The following TMEM266 variants were observed in gnomAD, a reference collection of about 807,000 sequenced individuals.
TMEM266 encodes Hv1 related protein 1.
TMEM266 carries 33 observed loss-of-function variants against 50.5 expected under a neutral mutation model. The ratio of observed to expected loss-of-function variants is 0.65; its 90% confidence interval spans 0.50 to 0.87. The LOEUF (loss-of-function observed/expected upper bound fraction) is 0.87, where lower values mean the gene tolerates loss of function less well. Ranked by LOEUF, TMEM266 falls within the 40% of genes least tolerant of loss-of-function variation. TMEM266 has a pLI of 0.00. For synonymous variants in TMEM266, 310 were observed against 292.3 expected, an observed-to-expected ratio of 1.06 and a Z score of -0.62; for missense variants, 655 against 695.1, an observed-to-expected ratio of 0.94 and a Z score of 0.65.
At chr15:76,099,107 G>A (rs548957883) in intron 1 of TMEM266, among the ~76,000 whole-genome samples, 6 of 152,258 alleles carry the variant, frequency 3.9e-5, no homozygotes, top group Admixed American at 2.0e-4. Flanking sequence ...TCTCACTGTC[G>A]TTCCAGGCGC....
chr15:76,138,073 T>C (rs1426809720), intron 3 of TMEM266, among the ~76,000 whole-genome samples, 178 bp downstream of exon 3: 5 of 151,906 alleles, frequency 3.3e-5, no homozygotes, highest in Non-Finnish European at 2.9e-5. Context: ...AATACAAAAA[T>C]TAGCCGAGTG....
intron 1 of TMEM266, among the ~76,000 whole-genome samples, chr15:76,115,904 T>C (rs2037239239): frequency 6.6e-6 from 1 of 152,112 alleles, no homozygotes; most frequent in African/African-American, 2.4e-5. Flanking sequence ...GAGGGAGATG[T>C]TGGTGTGAGG....
intron 1 of TMEM266, among the ~76,000 whole-genome samples, chr15:76,080,622 T>G (rs2036677317): frequency 6.6e-6 from 1 of 152,038 alleles, no homozygotes; most frequent in Non-Finnish European, 1.5e-5. Flanking sequence ...TAGGATTATT[T>G]CAGGAGTACT....
intron 1 of TMEM266, among the ~76,000 whole-genome samples, chr15:76,116,755 CAT>C (rs542757974): frequency 1.4e-3 from 218 of 152,272 alleles, no homozygotes; most frequent in African/African-American, 4.9e-3. Context: ...GATTGTCAAA[CAT>C]ATGTCATCCT....
At chr15:76,149,224 A>G (rs552852355) in intron 3 of TMEM266, among the ~76,000 whole-genome samples, 1 of 152,318 alleles carries the variant, frequency 6.6e-6, no homozygotes, top group Admixed American at 6.5e-5. Flanking sequence ...GAGATTATGC[A>G]TCTCTTTAGA....
At chr15:76,084,273 C>T (rs1039567522) in intron 1 of TMEM266, among the ~76,000 whole-genome samples, 4 of 152,082 alleles carry the variant, frequency 2.6e-5, no homozygotes, top group African/African-American at 9.7e-5. Flanking sequence ...GAGATTGCAC[C>T]ACTGCTCTCC....
intron 1 of TMEM266, among the ~76,000 whole-genome samples, chr15:76,081,612 A>G (rs547959247): frequency 1.3e-5 from 2 of 152,300 alleles, no homozygotes; most frequent in African/African-American, 4.8e-5. Context: ...CAGGTCAGAC[A>G]CTCACTGACA....
In TMEM266 at chr15:76,204,581, A is replaced by G. The variant is rs968005621; in HGVS notation, c.*266A>G. The G allele has an allele frequency of 2.9e-5, 9 of 314,288 alleles. No individual in the cohort carries two copies. The highest frequency in any genetic ancestry group is 1.8e-5 in the Non-Finnish European group (3 of 170,306). The allele number at this position is 314,288 out of a possible 1,614,324, so 19.5% of individuals were successfully genotyped here. On this transcript the variant is annotated 3_prime_UTR_variant, in exon 11 of 11. Coordinates refer to ENST00000388942, the MANE Select transcript of TMEM266 (RefSeq NM_152335.3). ...CTTTTTAACCATTTTTACAAAAACC[A>G]GCCTGTGGCCCAGCTTCAGCAGGGT...
intron 3 of TMEM266, among the ~76,000 whole-genome samples, chr15:76,154,245 A>G (rs2037888214): frequency 6.6e-6 from 1 of 152,212 alleles, no homozygotes; most frequent in Non-Finnish European, 1.5e-5. Flanking sequence ...GGTATACTAG[A>G]AAATTGCTCA....
intron 1 of TMEM266, among the ~76,000 whole-genome samples, chr15:76,120,404 T>A (rs1307014885): frequency 2.6e-5 from 4 of 152,160 alleles, no homozygotes; most frequent in African/African-American, 7.2e-5. Flanking sequence ...TAAGTGTGAA[T>A]AATATGTATT....
chr15:76,095,975 T>C (rs1197944359), intron 1 of TMEM266, among the ~76,000 whole-genome samples: 1 of 152,060 alleles, frequency 6.6e-6, no homozygotes, highest in Non-Finnish European at 1.5e-5. Flanking sequence ...CCCTTCATCA[T>C]TTTTTATTGC....
Position 76,084,116 on chromosome 15 carries a change from C to T in TMEM266, c.-97+24100C>T, listed in dbSNP as rs539631323. 2.1e-4 allele frequency among the ~76,000 whole-genome samples: 32 copies of T among 152,218 alleles called. 3 individuals are homozygous for T. The East Asian group carries it at 5.4e-3, about 26-fold the overall frequency. Reference sequence around the variant, plus strand: ...TCACCAGAGCCCAGGAGTTCAAGACCAGCCTGGGCAACATAGTGAGACCCT... The same window carrying T: ...TCACCAGAGCCCAGGAGTTCAAGACTAGCCTGGGCAACATAGTGAGACCCT... On this transcript the variant is annotated intron_variant, in intron 1 of 10. Transcript: ENST00000388942.
chr15:76,198,211 C>T (rs1203307272), intron 9 of TMEM266, among the ~76,000 whole-genome samples: 1 of 152,134 alleles, frequency 6.6e-6, no homozygotes, highest in Non-Finnish European at 1.5e-5. Flanking sequence ...CTACCTAAGG[C>T]CACACAGCAT....
At chr15:76,082,543 G>T (rs746470626) in intron 1 of TMEM266, among the ~76,000 whole-genome samples, 3 of 152,064 alleles carry the variant, frequency 2.0e-5, no homozygotes, top group Non-Finnish European at 4.4e-5. Context: ...AACTTGGGTT[G>T]GGGGGGTGCA....
Position 76,191,883 on chromosome 15 carries a change from G to A in TMEM266, c.769-85G>A, listed in dbSNP as rs1342949521. ...CCAGTCCTCCCCACCCCGCCCCCAT[G>A]CAGGAGCAAAGCGCCCAGAGGTCAG... On this transcript the variant is annotated intron_variant, in intron 8 of 10. Coordinates refer to ENST00000388942, the MANE Select transcript of TMEM266 (RefSeq NM_152335.3). 4 of 1,244,090 alleles carry A rather than the reference G, an allele frequency of 3.2e-6. No homozygotes were observed. In the Admixed American group the frequency reaches 8.6e-5, roughly 27 times the overall value. The allele number at this position is 1,244,090 out of a possible 1,614,324, so 77.1% of individuals were successfully genotyped here.
chr15:76,170,366 C>G (rs1444935409), intron 6 of TMEM266, among the ~76,000 whole-genome samples: 2 of 152,212 alleles, frequency 1.3e-5, no homozygotes, highest in Non-Finnish European at 2.9e-5. Context: ...TTCCTCACCT[C>G]TCCATCTATA....
intron 1 of TMEM266, among the ~76,000 whole-genome samples, chr15:76,119,651 C>T (rs975395747): frequency 1.3e-5 from 2 of 151,916 alleles, no homozygotes; most frequent in African/African-American, 4.8e-5. Context: ...CCTGTAGTCC[C>T]AACTACTCAG....
rs149378942 is a variant in TMEM266, at chr15:76,160,135, C to G, written c.423C>G (p.Ile141Met). ...AGTTTGCTGGCGTGATTCACTGGAT[C>G]AGCCTGGTCATTCTGTCCGTGTTCT... The change falls in exon 5 of 11, where the codon ATC (isoleucine) becomes ATG (methionine). Residue 141 changes from isoleucine to methionine, a missense_variant. Physicochemically the swap from Ile to Met is conservative, Grantham distance 10 (BLOSUM62 1). Around this residue, in one of 3 missense-constraint regions of TMEM266, gnomAD observed 101 missense variants for 182.6 expected, o/e 0.55. Transcript: ENST00000388942. This position sits in a 1 kb window ranked among gnomAD's most constrained non-coding sequence, Gnocchi z 5.7. The G allele has an allele frequency of 2.6e-3, 4,196 of 1,614,196 alleles. 8 individuals are homozygous for G. Among genetic ancestry groups the G allele is most frequent in the Middle Eastern group, 3.5e-3 (21 of 6,062 alleles).
At chr15:76,141,403 T>A (rs1490017831) in intron 3 of TMEM266, among the ~76,000 whole-genome samples, 1 of 145,814 alleles carries the variant, frequency 6.9e-6, no homozygotes, top group Non-Finnish European at 1.5e-5. Flanking sequence ...GCCCAGCTAA[T>A]TTTTTTTTTC....
Sources: allele counts gnomAD v4.1 joint callset (sites outside exome capture counted in the v4.1 genomes callset), GRCh38; gene constraint gnomAD v4.1.1; regional missense constraint gnomAD v4.1.1; non-coding constraint Gnocchi (gnomAD v3.1); transcripts MANE v1.5; gene names NCBI Gene and HGNC (gene_info 2026-07-23, HGNC 2026-07-21).